SORCS3: variants seen among roughly 807,000 people sequenced by gnomAD.
SORCS3 encodes the protein sortilin related VPS10 domain containing receptor 3.
A neutral mutation model predicts 146.3 loss-of-function variants in SORCS3; 57 were observed. The observed-to-expected ratio is 0.39, with a 90% CI of 0.31 to 0.49. SORCS3 has a LOEUF of 0.49. Among genes scored for constraint, SORCS3 ranks in the 20% least tolerant of loss-of-function variants. The pLI is 0.92. For synonymous variants in SORCS3, 653 were observed against 618.5 expected (o/e 1.06, Z -0.83); for missense variants, 1,341 against 1,575.5 (o/e 0.85, Z 2.52).
At chr10:105,242,411 T>C (rs2056831001) in intron 20 of SORCS3, among the ~76,000 whole-genome samples, 1 of 101,088 alleles carries the variant, frequency 9.9e-6, no homozygotes, top group Non-Finnish European at 1.8e-5. Flanking sequence ...TACATATATT[T>C]ATATATATTT....
chr10:105,250,658 A>C (rs1017815237), intron 22 of SORCS3, among the ~76,000 whole-genome samples: 14 of 152,116 alleles, frequency 9.2e-5, no homozygotes, highest in Admixed American at 6.5e-4. Context: ...TTTTGCCCCT[A>C]GTCTGGCCTC....
At chr10:104,899,478 C>T (rs1452565549) in intron 2 of SORCS3, among the ~76,000 whole-genome samples, 2 of 152,204 alleles carry the variant, frequency 1.3e-5, no homozygotes, top group Non-Finnish European at 2.9e-5. Context: ...AGTTTTCCCA[C>T]CTACATCCAG....
intron 1 of SORCS3, among the ~76,000 whole-genome samples, chr10:104,756,251 G>A (rs2017049523): frequency 6.6e-6 from 1 of 152,146 alleles, no homozygotes; most frequent in Non-Finnish European, 1.5e-5. Context: ...CCACACCTAT[G>A]TTAAATACTA....
chr10:104,764,118 T>A (rs1310362352), intron 1 of SORCS3, among the ~76,000 whole-genome samples: 1 of 152,112 alleles, frequency 6.6e-6, no homozygotes, highest in East Asian at 1.9e-4. Flanking sequence ...GCAGGATATC[T>A]AAAAAACTTA....
At chr10:105,201,026 G>A (rs560239294) in intron 15 of SORCS3, 94 bp from the exon 16 acceptor site, 1 of 1,380,374 alleles carries the variant, frequency 7.2e-7, no homozygotes, top group African/African-American at 1.5e-5. Flanking sequence ...GTACCTAAAT[G>A]AGAATGAACA....
At chr10:104,985,101 C>A (rs2054954840) in intron 4 of SORCS3, among the ~76,000 whole-genome samples, 1 of 152,106 alleles carries the variant, frequency 6.6e-6, no homozygotes, top group African/African-American at 2.4e-5. Flanking sequence ...CTGTAACATG[C>A]AATGCTGTTT....
chr10:104,713,019 G>C (rs1379831895), intron 1 of SORCS3, among the ~76,000 whole-genome samples: 1 of 152,050 alleles, frequency 6.6e-6, no homozygotes, highest in Non-Finnish European at 1.5e-5. Flanking sequence ...TAACTGGGCA[G>C]GTTTTATTTA....
intron 4 of SORCS3, among the ~76,000 whole-genome samples, chr10:105,027,021 G>A (rs1334789005): frequency 6.6e-6 from 1 of 152,130 alleles, no homozygotes; most frequent in East Asian, 1.9e-4. Flanking sequence ...ACCCTGTCCA[G>A]GTAAAACCTG....
intron 2 of SORCS3, among the ~76,000 whole-genome samples, chr10:104,852,215 T>C (rs2018281075): frequency 6.6e-6 from 1 of 152,212 alleles, no homozygotes; most frequent in Admixed American, 6.5e-5. Context: ...GAACATTCCA[T>C]TTTGCAGACA....
chr10:104,850,707 C>T (rs528666439), intron 2 of SORCS3, among the ~76,000 whole-genome samples: 3 of 152,208 alleles, frequency 2.0e-5, no homozygotes, highest in Non-Finnish European at 4.4e-5. Context: ...ATTACTCATG[C>T]CGTCCTTCTG....
intron 7 of SORCS3, among the ~76,000 whole-genome samples, chr10:105,114,776 T>G (rs756732968): frequency 6.6e-6 from 1 of 152,116 alleles, no homozygotes; most frequent in Admixed American, 6.5e-5. Context: ...CTCTCAGTAA[T>G]ATTCTATAGA....
intron 3 of SORCS3, among the ~76,000 whole-genome samples, chr10:104,964,038 C>A (rs1020927187): frequency 9.2e-5 from 14 of 152,112 alleles, no homozygotes; most frequent in South Asian, 2.1e-4. Context: ...ATTCATCTGT[C>A]CCTTCTGATC....
chr10:104,884,705 TAACAG>T (rs1160759149), intron 2 of SORCS3, among the ~76,000 whole-genome samples: 1 of 152,036 alleles, frequency 6.6e-6, no homozygotes, highest in East Asian at 1.9e-4. Context: ...TCAACACACT[TAACAG>T]AACATTTGGG....
intron 7 of SORCS3, among the ~76,000 whole-genome samples, chr10:105,125,710 A>ACACACACACACACACACAC (rs1564761153): frequency 8.3e-5 from 2 of 24,092 alleles, no homozygotes; most frequent in East Asian, 1.5e-3. Flanking sequence ...CACACACACA[A>ACACACACACACACACACAC]AACAGGCAGC....
At chr10:105,084,518 C>T (rs547568037) in intron 5 of SORCS3, among the ~76,000 whole-genome samples, 5 of 152,246 alleles carry the variant, frequency 3.3e-5, no homozygotes, top group East Asian at 3.9e-4. Flanking sequence ...GACTTTAAGA[C>T]GAGGGACCTG....
At chr10:105,024,868 G>GT (rs1302560914) in intron 4 of SORCS3, among the ~76,000 whole-genome samples, 3 of 152,184 alleles carry the variant, frequency 2.0e-5, no homozygotes, top group Non-Finnish European at 4.4e-5. Context: ...TGCCTGGTAA[G>GT]TAACATTTCT....
chr10:104,671,082 C>T (rs2015845327), intron 1 of SORCS3, among the ~76,000 whole-genome samples: 1 of 150,900 alleles, frequency 6.6e-6, no homozygotes, highest in Admixed American at 6.6e-5. Flanking sequence ...TACATCATAT[C>T]GTCTGTAAAC....
chr10:104,841,410 A>G lies in SORCS3; in HGVS notation c.628-1382A>G, dbSNP rs146781754. On this transcript the variant is annotated intron_variant, in intron 1 of 26. Coordinates refer to ENST00000369701, the MANE Select transcript of SORCS3 (RefSeq NM_014978.3). ...GACAGGTAGCTTGGTAAATTCTACT[A>G]TTCTACAAATGGCCATGCCATTGAT... is the stretch of plus-strand genomic sequence containing the variant. Among the ~76,000 whole-genome samples the G allele has an allele frequency of 4.5e-4, 69 of 152,344 alleles. 2 individuals carry two copies. The East Asian group carries it at 0.013, about 28-fold the overall frequency.
At chr10:104,739,741 TG>T (rs1383782508) in intron 1 of SORCS3, among the ~76,000 whole-genome samples, 1 of 152,224 alleles carries the variant, frequency 6.6e-6, no homozygotes, top group African/African-American at 2.4e-5. Context: ...GTGCTTTTAG[TG>T]GGGCAAGTGA....
Sources: allele counts gnomAD v4.1 joint callset (sites outside exome capture counted in the v4.1 genomes callset), GRCh38; gene constraint gnomAD v4.1.1; transcripts MANE v1.5; gene names NCBI Gene and HGNC (gene_info 2026-07-23, HGNC 2026-07-21).